Variants in NLK observed in about 807,000 individuals in gnomAD.
NLK encodes nemo like kinase, also known as serine/threonine-protein kinase NLK.
In NLK, 11 loss-of-function variants were observed where a neutral mutation model predicts 59.0. That is an observed-to-expected ratio of 0.19 (90% confidence interval 0.12 to 0.31). The LOEUF (loss-of-function observed/expected upper bound fraction) is 0.31, where lower values mean the gene tolerates loss of function less well. Ranked by LOEUF, NLK falls within the 10% of genes least tolerant of loss-of-function variation. NLK has a pLI of 1.00. For missense variants in NLK, 410 were observed against 661.1 expected, an observed-to-expected ratio of 0.62 and a Z score of 4.16; for synonymous variants, 235 against 235.9, an observed-to-expected ratio of 1.00 and a Z score of 0.03.
chr17:28,157,043 G>A (rs935770020), intron 3 of NLK, among the ~76,000 whole-genome samples: 2 of 152,052 alleles, frequency 1.3e-5, no homozygotes, highest in African/African-American at 4.8e-5. Context: ...TTGAGACAGG[G>A]TCTCACTCTG....
At chr17:28,165,127 A>G (rs956457944) in intron 5 of NLK, among the ~76,000 whole-genome samples, 1 of 152,102 alleles carries the variant, frequency 6.6e-6, no homozygotes, top group Non-Finnish European at 1.5e-5. Flanking sequence ...CCACCTTTTC[A>G]CTTTTTAAAG....
chr17:28,093,474 T>TA (rs1040147181), intron 1 of NLK, among the ~76,000 whole-genome samples: 10 of 151,996 alleles, frequency 6.6e-5, no homozygotes, highest in Non-Finnish European at 1.5e-4. Flanking sequence ...TAATTTATAA[T>TA]AAAAAAAATT....
chr17:28,200,101 CTG>C (rs1909590323), downstream of NLK, among the ~76,000 whole-genome samples: 1 of 152,184 alleles, frequency 6.6e-6, no homozygotes, highest in African/African-American at 2.4e-5. Flanking sequence ...TTCTTTCTGT[CTG>C]TAGCTGGTTT....
intron 1 of NLK, among the ~76,000 whole-genome samples, chr17:28,104,990 T>C (rs1905028272): frequency 6.6e-6 from 1 of 152,218 alleles, no homozygotes; most frequent in South Asian, 2.1e-4. Context: ...CCAGTTTTAG[T>C]TCTTTTTGAC....
chr17:28,065,808 T>G (rs1909805194), intron 1 of NLK, among the ~76,000 whole-genome samples: 1 of 152,204 alleles, frequency 6.6e-6, no homozygotes, highest in Non-Finnish European at 1.5e-5. Context: ...TCATGGTATA[T>G]AACCTTTGTT....
At chr17:28,050,113 G>A (rs1230127546) in intron 1 of NLK, among the ~76,000 whole-genome samples, 1 of 152,206 alleles carries the variant, frequency 6.6e-6, no homozygotes. Context: ...TTTGTAAATG[G>A]ATTATTATAA....
At chr17:28,174,985 A>AT (rs750590388) in intron 7 of NLK, among the ~76,000 whole-genome samples, 2,704 of 131,300 alleles carry the variant, frequency 0.021, 66 homozygotes, top group African/African-American at 0.062. Context: ...AGCCACCTGG[A>AT]TTTTTTTTTT....
At chr17:28,150,925 A>G (rs527977076) in intron 3 of NLK, among the ~76,000 whole-genome samples, 1 of 152,290 alleles carries the variant, frequency 6.6e-6, no homozygotes, top group East Asian at 1.9e-4. Flanking sequence ...TCTTCATCCA[A>G]TGGTAACTTA....
intron 3 of NLK, 133 bp from the exon 4 acceptor site, chr17:28,161,027 G>C: frequency 1.8e-6 from 1 of 555,536 alleles, no homozygotes; most frequent in Non-Finnish European, 3.2e-6. Flanking sequence ...TCTCACCTCT[G>C]TCACGCTGTC....
intron 3 of NLK, among the ~76,000 whole-genome samples, chr17:28,136,085 C>T (rs1360970514): frequency 1.3e-5 from 2 of 152,138 alleles, no homozygotes; most frequent in Non-Finnish European, 2.9e-5. Context: ...CAAAATTGTT[C>T]GCAGATGTTT....
At chr17:28,044,249 G>A (rs1908974478) in intron 1 of NLK, among the ~76,000 whole-genome samples, 1 of 152,104 alleles carries the variant, frequency 6.6e-6, no homozygotes, top group African/African-American at 2.4e-5. Flanking sequence ...TTTCTCCCAA[G>A]GACTAATGAT....
At position 28,168,525 on chromosome 17, in the gene NLK, T is replaced by C. The variant is rs1908335895; in HGVS notation, c.915T>C (p.Tyr305=). 1 of 1,613,788 alleles carries C rather than the reference T, an allele frequency of 6.2e-7. No homozygotes were observed. Among genetic ancestry groups the C allele is most frequent in the African/African-American group, 1.3e-5 (1 of 75,046 alleles). Residue 305 remains tyrosine (Y), a synonymous_variant, in exon 6 of 11, where the codon TAT becomes TAC. Transcript: ENST00000407008. The stretch of plus-strand genomic sequence containing the variant: ...TGACTCAGGAAGTTGTTACTCAGTA[T>C]TATCGGGCTCCAGAAATCCTGATGG... ...RHMTQEVVTQ[Y]YRAPEILMGS...
chr17:28,078,804 T>C (rs1039978101), intron 1 of NLK, among the ~76,000 whole-genome samples: 4 of 152,174 alleles, frequency 2.6e-5, no homozygotes, highest in Non-Finnish European at 4.4e-5. Flanking sequence ...AAAGTTCATC[T>C]GTAGTCCTAG....
the NLK span, among the ~76,000 whole-genome samples, chr17:28,203,135 A>T: frequency 6.6e-6 from 1 of 150,864 alleles, no homozygotes; most frequent in African/African-American, 2.4e-5. Flanking sequence ...GCAAACACGT[A>T]TGTGTGTGTA....
At chr17:28,103,745 A>G in intron 1 of NLK, among the ~76,000 whole-genome samples, 1 of 152,186 alleles carries the variant, frequency 6.6e-6, no homozygotes. Context: ...TAATTTGAAA[A>G]CGTAAGAGAT....
intron 1 of NLK, among the ~76,000 whole-genome samples, chr17:28,113,428 G>A (rs1283023261): frequency 2.0e-5 from 3 of 152,206 alleles, no homozygotes; most frequent in Non-Finnish European, 1.5e-5. Flanking sequence ...AGGGCTGCTG[G>A]CTGCCCATTT....
intron 1 of NLK, among the ~76,000 whole-genome samples, chr17:28,060,231 C>G (rs1210911011): frequency 6.6e-6 from 1 of 151,952 alleles, no homozygotes; most frequent in Non-Finnish European, 1.5e-5. Flanking sequence ...GAAAATATAA[C>G]TTTTTATAAT....
chr17:28,146,504 T>C (rs1907261303), intron 3 of NLK, among the ~76,000 whole-genome samples: 1 of 152,158 alleles, frequency 6.6e-6, no homozygotes, highest in Admixed American at 6.6e-5. Context: ...CTCTGTGTAG[T>C]AGGTGTTCCT....
chr17:28,047,928 G>A (rs1909117731), intron 1 of NLK: 1 of 398,268 alleles, frequency 2.5e-6, no homozygotes, highest in African/African-American at 2.1e-5. Context: ...TTGAGAATCT[G>A]TAGTACTGAG....
Sources: allele counts gnomAD v4.1 joint callset (sites outside exome capture counted in the v4.1 genomes callset), GRCh38; gene constraint gnomAD v4.1.1; transcripts MANE v1.5; gene names NCBI Gene and HGNC (gene_info 2026-07-23, HGNC 2026-07-21).